Variants in GALNT13 observed in about 807,000 individuals in gnomAD.
The protein encoded by GALNT13 is UDP-GalNAc:polypeptide N-acetylgalactosaminyltransferase 13.
In GALNT13, 28 loss-of-function variants were observed where a neutral mutation model predicts 64.2. That is an observed-to-expected ratio of 0.44 (90% confidence interval 0.32 to 0.60). GALNT13 has a LOEUF of 0.60. Among genes scored for constraint, GALNT13 ranks in the 20% least tolerant of loss-of-function variants. GALNT13 has a pLI of 0.05. For missense variants in GALNT13, 577 were observed against 669.8 expected, an observed-to-expected ratio of 0.86 and a Z score of 1.53; for synonymous variants, 214 against 224.6, an observed-to-expected ratio of 0.95 and a Z score of 0.42.
the GALNT13 span, among the ~76,000 whole-genome samples, chr2:153,082,434 C>T: frequency 4.2e-4 from 64 of 151,204 alleles, 1 homozygote; most frequent in East Asian, 0.011. Context: ...TACATCACTT[C>T]GAATAATATT....
At chr2:153,618,301 T>C in the GALNT13 span, among the ~76,000 whole-genome samples, 1,143 of 152,102 alleles carry the variant, frequency 7.5e-3, 20 homozygotes, top group African/African-American at 0.025. Context: ...CAGAAGCATA[T>C]GGTCTAATTT....
intron 4 of GALNT13, among the ~76,000 whole-genome samples, chr2:154,164,977 C>T (rs972984824): frequency 6.6e-5 from 10 of 151,978 alleles, no homozygotes; most frequent in Non-Finnish European, 1.2e-4. Flanking sequence ...TACTGAATAA[C>T]GATATCTTTA....
chr2:154,247,326 T>C (rs1292066340), intron 7 of GALNT13, among the ~76,000 whole-genome samples: 4 of 152,042 alleles, frequency 2.6e-5, no homozygotes, highest in Admixed American at 1.3e-4. Context: ...CATGTTACCA[T>C]CATTTATTAG....
At chr2:154,024,001 T>G (rs58575705) in intron 3 of GALNT13, among the ~76,000 whole-genome samples, 13,141 of 152,024 alleles carry the variant, frequency 0.086, 1,497 homozygotes, top group East Asian at 0.63. Context: ...ATTCTTTTCT[T>G]TAAGAATGTT....
At chr2:154,212,970 G>A (rs916137228) in intron 4 of GALNT13, among the ~76,000 whole-genome samples, 1 of 151,974 alleles carries the variant, frequency 6.6e-6, no homozygotes, top group Non-Finnish European at 1.5e-5. Flanking sequence ...ACATTCATTT[G>A]GGATGTGGAA....
intron 1 of GALNT13, among the ~76,000 whole-genome samples, chr2:153,884,793 G>GTGTC (rs1244936924): frequency 1.7e-5 from 1 of 59,796 alleles, no homozygotes; most frequent in Non-Finnish European, 3.3e-5. Context: ...ATATGTGTGT[G>GTGTC]TATATATATA....
chr2:154,158,395 T>G (rs1348054131), intron 4 of GALNT13, among the ~76,000 whole-genome samples: 2 of 152,224 alleles, frequency 1.3e-5, no homozygotes, highest in Non-Finnish European at 2.9e-5. Flanking sequence ...TCATCTTCCC[T>G]GCTACTATTA....
chr2:154,062,830 G>T (rs928936087), intron 3 of GALNT13, among the ~76,000 whole-genome samples: 1 of 148,700 alleles, frequency 6.7e-6, no homozygotes, highest in Non-Finnish European at 1.5e-5. Flanking sequence ...AATGTTTCAG[G>T]ATATTTAATT....
chr2:153,434,654 T>G, the GALNT13 span, among the ~76,000 whole-genome samples: 12 of 152,232 alleles, frequency 7.9e-5, no homozygotes, highest in African/African-American at 2.9e-4. Flanking sequence ...TCGTATACTT[T>G]GCCCACTTTT....
the GALNT13 span, among the ~76,000 whole-genome samples, chr2:153,855,938 T>A: frequency 6.6e-6 from 1 of 152,190 alleles, no homozygotes; most frequent in Admixed American, 6.5e-5. Context: ...TGGATGAACC[T>A]TGAAAACATT....
chr2:154,168,325 T>G (rs934870496), intron 4 of GALNT13, among the ~76,000 whole-genome samples: 10 of 152,130 alleles, frequency 6.6e-5, no homozygotes, highest in Admixed American at 2.0e-4. Context: ...TTCCCTCTTC[T>G]TCAGAAGAGG....
the GALNT13 span, among the ~76,000 whole-genome samples, chr2:153,500,140 T>G: frequency 6.6e-6 from 1 of 152,136 alleles, no homozygotes; most frequent in Admixed American, 6.5e-5. Context: ...CTCATCTTAA[T>G]TGCTTCATAA....
At chr2:154,422,859 G>A (rs886950533) in intron 11 of GALNT13, among the ~76,000 whole-genome samples, 8 of 152,040 alleles carry the variant, frequency 5.3e-5, no homozygotes, top group African/African-American at 1.9e-4. Flanking sequence ...AAAGAGACCT[G>A]ATTTTTTTTC....
intron 3 of GALNT13, among the ~76,000 whole-genome samples, chr2:154,024,923 C>T (rs955234303): frequency 6.6e-6 from 1 of 152,140 alleles, no homozygotes; most frequent in African/African-American, 2.4e-5. Flanking sequence ...ACAGGACCCT[C>T]AGCTGCAGGT....
chr2:153,648,831 G>A, the GALNT13 span, among the ~76,000 whole-genome samples: 4 of 152,106 alleles, frequency 2.6e-5, no homozygotes, highest in Non-Finnish European at 4.4e-5. Flanking sequence ...TGATCATGGT[G>A]GATAAGCTTT....
At chr2:153,489,850 T>C in the GALNT13 span, among the ~76,000 whole-genome samples, 1 of 152,154 alleles carries the variant, frequency 6.6e-6, no homozygotes, top group Non-Finnish European at 1.5e-5. Flanking sequence ...GCATGCATAG[T>C]TAGGTTATGT....
chr2:153,476,094 A>G, the GALNT13 span, among the ~76,000 whole-genome samples: 2 of 152,258 alleles, frequency 1.3e-5, no homozygotes, highest in Admixed American at 1.3e-4. Flanking sequence ...AAAGACAGGA[A>G]CAACAAGCAA....
chr2:153,359,921 T>A, the GALNT13 span, among the ~76,000 whole-genome samples: 299 of 152,164 alleles, frequency 2.0e-3, 2 homozygotes, highest in African/African-American at 6.5e-3. Context: ...AATGAAGAAT[T>A]CCTTCAAAAG....
At chr2:153,211,545 A>C in the GALNT13 span, among the ~76,000 whole-genome samples, 1 of 152,202 alleles carries the variant, frequency 6.6e-6, no homozygotes, top group Non-Finnish European at 1.5e-5. Context: ...TCTTAACATT[A>C]ATTTTCATGA....
Sources: allele counts gnomAD v4.1 joint callset (sites outside exome capture counted in the v4.1 genomes callset), GRCh38; gene constraint gnomAD v4.1.1; transcripts MANE v1.5; gene names NCBI Gene and HGNC (gene_info 2026-07-23, HGNC 2026-07-21).